Variants in TMEM132B observed in about 807,000 individuals in gnomAD.
The protein encoded by TMEM132B is transmembrane protein 132B.
TMEM132B carries 18 observed loss-of-function variants against 90.8 expected under a neutral mutation model. The observed-to-expected ratio is 0.20, with a 90% CI of 0.14 to 0.29. The LOEUF is 0.29. TMEM132B is among the 10% of genes least tolerant of loss of function. The probability of loss-of-function intolerance (pLI) is 1.00; values close to 1 mark genes in which losing one functional copy is unlikely to be tolerated. For missense variants in TMEM132B, 1,096 were observed against 1,326.8 expected (o/e 0.83, Z 2.70); for synonymous variants, 504 against 523.3 (o/e 0.96, Z 0.50).
chr12:125,596,513 G>C (rs1011354541), intron 5 of TMEM132B, among the ~76,000 whole-genome samples: 1 of 152,168 alleles, frequency 6.6e-6, no homozygotes, highest in Admixed American at 6.5e-5. Context: ...AAAAATCTTA[G>C]CTCTTAAATC....
In TMEM132B at chr12:125,415,137, C is replaced by T. The variant is rs1188468497; in HGVS notation, c.960-394C>T. On this transcript the variant is annotated intron_variant, in intron 2 of 8. Coordinates refer to ENST00000682704, the MANE Select transcript of TMEM132B (RefSeq NM_001366854.1). The surrounding 1 kb of genome is among the most constrained non-coding windows in gnomAD (Gnocchi z 5.3). ...GGCTGTGTGATCTTCTGGCCTTGCA[C>T]AACCCACCCCGCATCTTAAAGACTC... 6.6e-6 allele frequency among the ~76,000 whole-genome samples: 1 copy of T among 152,150 alleles called. No individual in the cohort carries two copies. The highest frequency in any genetic ancestry group is 2.4e-5 in the African/African-American group (1 of 41,434).
intron 1 of TMEM132B, among the ~76,000 whole-genome samples, chr12:125,342,499 C>G (rs1447698256): frequency 6.6e-6 from 1 of 152,182 alleles, no homozygotes; most frequent in Non-Finnish European, 1.5e-5. Flanking sequence ...CTCTGCAAAA[C>G]CACTCTTAGT....
At chr12:125,228,834 G>T (rs1375271326) in intron 1 of TMEM132B, among the ~76,000 whole-genome samples, 4 of 152,182 alleles carry the variant, frequency 2.6e-5, no homozygotes, top group Non-Finnish European at 2.9e-5. Flanking sequence ...TCCAGTGATT[G>T]GTTTAGAAGT....
At chr12:125,278,357 A>AT (rs1486514389) in intron 1 of TMEM132B, among the ~76,000 whole-genome samples, 1 of 152,126 alleles carries the variant, frequency 6.6e-6, no homozygotes, top group East Asian at 1.9e-4. Context: ...AGAAATCCAG[A>AT]TTTTTATGTG....
chr12:125,565,255 G>A (rs10846919), intron 4 of TMEM132B, among the ~76,000 whole-genome samples: 86,855 of 152,022 alleles, frequency 0.57, 26,601 homozygotes, highest in Middle Eastern at 0.78. Context: ...TGCAGGATGC[G>A]AGACAGAATC....
intron 2 of TMEM132B, among the ~76,000 whole-genome samples, chr12:125,390,817 G>C (rs1878988480): frequency 6.6e-6 from 1 of 152,160 alleles, no homozygotes; most frequent in African/African-American, 2.4e-5. Context: ...GAAACCTCGA[G>C]AGAGAGAGAA....
chr12:125,379,238 C>T (rs886497989), intron 2 of TMEM132B, among the ~76,000 whole-genome samples: 22 of 152,268 alleles, frequency 1.4e-4, no homozygotes, highest in African/African-American at 5.1e-4. Context: ...GGAATTTAGG[C>T]TTGATCAGCT....
chr12:125,314,238 G>A (rs922726065), intron 1 of TMEM132B, among the ~76,000 whole-genome samples: 2 of 152,200 alleles, frequency 1.3e-5, no homozygotes, highest in African/African-American at 4.8e-5. Context: ...CTTGACTTCT[G>A]TGTGGGCGTC....
intron 1 of TMEM132B, among the ~76,000 whole-genome samples, chr12:125,239,750 G>A (rs140293648): frequency 5.3e-5 from 8 of 152,340 alleles, no homozygotes; most frequent in South Asian, 2.1e-4. Flanking sequence ...GAGCGCTGCC[G>A]TGGAGGTGCC....
chr12:125,600,438 T>G (rs1885542081), intron 5 of TMEM132B, among the ~76,000 whole-genome samples: 1 of 152,234 alleles, frequency 6.6e-6, no homozygotes, highest in Non-Finnish European at 1.5e-5. Context: ...GTTTACATGT[T>G]GCTCCGTTTG....
rs1225250517 is a variant in TMEM132B at position 125,659,697 on chromosome 12, T to C, written c.*4987T>C. 3 of 152,236 alleles carry C rather than the reference T, an allele frequency of 2.0e-5. No individual in the cohort carries two copies. In the East Asian group the frequency reaches 5.8e-4, roughly 29 times the overall value. 9.4% of individuals were successfully genotyped at this position (152,236 alleles called of 1,614,324 possible). ...TTTTAGGATGAATAGGGATGCCTCT[T>C]TGGCGATAATTTGACGTGTCATAAT... On this transcript the variant is annotated 3_prime_UTR_variant, in exon 9 of 9. Transcript: ENST00000682704.
At chr12:125,398,744 G>A (rs1879230746) in intron 2 of TMEM132B, among the ~76,000 whole-genome samples, 1 of 152,220 alleles carries the variant, frequency 6.6e-6, no homozygotes, top group African/African-American at 2.4e-5. Context: ...ATCTATTGGT[G>A]AGTAGCAAAA....
intron 1 of TMEM132B, among the ~76,000 whole-genome samples, chr12:125,191,824 T>TA (rs11375851): frequency 0.25 from 37,383 of 152,078 alleles, 5,427 homozygotes; most frequent in East Asian, 0.47. Context: ...AATACTGGTT[T>TA]ATCCCCTTGG....
intron 4 of TMEM132B, among the ~76,000 whole-genome samples, chr12:125,557,277 C>G (rs983087970): frequency 2.0e-5 from 3 of 152,002 alleles, no homozygotes; most frequent in African/African-American, 7.2e-5. Flanking sequence ...ACATGCCGGC[C>G]CCTGGATGTA....
At chr12:125,289,307 G>C (rs1451481598) in intron 1 of TMEM132B, among the ~76,000 whole-genome samples, 1 of 152,224 alleles carries the variant, frequency 6.6e-6, no homozygotes, top group East Asian at 1.9e-4. Context: ...AGATAGAATT[G>C]TTATTTCAAA....
Position 125,213,730 on chromosome 12 carries a change from T to C in TMEM132B, c.67+26864T>C, listed in dbSNP as rs901482853. Among the ~76,000 whole-genome samples the C allele has an allele frequency of 1.3e-5, 2 of 152,242 alleles. No individual in the cohort carries two copies. Among genetic ancestry groups the C allele is most frequent in the Non-Finnish European group, 2.9e-5 (2 of 68,044 alleles). On this transcript the variant is annotated intron_variant, in intron 1 of 8. Coordinates refer to ENST00000682704, the MANE Select transcript of TMEM132B (RefSeq NM_001366854.1). This position sits in a 1 kb window ranked among gnomAD's most constrained non-coding sequence, Gnocchi z 4.2. ...ATGATCTAGCGTCCCTTGCTCTAGA[T>C]AGAGTGTGATCTCTGTAAGTATAGA... is the stretch of plus-strand genomic sequence containing the variant.
intron 3 of TMEM132B, among the ~76,000 whole-genome samples, chr12:125,416,642 C>T (rs1460557512): frequency 2.6e-5 from 4 of 152,218 alleles, no homozygotes; most frequent in Non-Finnish European, 2.9e-5. Context: ...TGGGTGACCC[C>T]AGCCAACCCC....
At chr12:125,578,551 T>G (rs977666184) in intron 4 of TMEM132B, among the ~76,000 whole-genome samples, 18 of 152,112 alleles carry the variant, frequency 1.2e-4, no homozygotes, top group African/African-American at 4.3e-4. Context: ...TATACCTTCA[T>G]GTGTAATTAA....
intron 1 of TMEM132B, among the ~76,000 whole-genome samples, chr12:125,348,673 C>G (rs763485783): frequency 1.2e-4 from 18 of 152,058 alleles, no homozygotes; most frequent in Non-Finnish European, 2.4e-4. Flanking sequence ...CTTGCGGCAA[C>G]CCAGTAAGGT....
Sources: gnomAD v4.1 joint callset for allele counts (sites outside exome capture counted in the v4.1 genomes callset) on GRCh38, gnomAD v4.1.1 for gene constraint, Gnocchi (gnomAD v3.1) non-coding constraint, MANE v1.5 for transcripts, NCBI Gene and HGNC (gene_info 2026-07-23, HGNC 2026-07-21) for gene names.